SLF1: variants seen among roughly 807,000 people sequenced by gnomAD.
SLF1 encodes the protein SMC5-SMC6 complex localization factor protein 1.
A neutral mutation model predicts 123.0 loss-of-function variants in SLF1; 105 were observed. That is an observed-to-expected ratio of 0.85 (90% CI 0.73 to 1.00). The LOEUF (loss-of-function observed/expected upper bound fraction) is 1.00. Ranked by LOEUF, SLF1 falls within the 50% of genes least tolerant of loss-of-function variation. SLF1 has a pLI of 0.00. For synonymous variants in SLF1, 434 were observed against 406.6 expected (o/e 1.07, Z -0.81); for missense variants, 1,239 against 1,223.0 (o/e 1.01, Z -0.20).
intron 1 of SLF1, among the ~76,000 whole-genome samples, chr5:94,625,279 A>G (rs889288847): frequency 1.1e-4 from 16 of 152,190 alleles, no homozygotes; most frequent in African/African-American, 3.8e-4. Context: ...TTAGATAAAA[A>G]CAAGTATTGA....
intron 20 of SLF1, among the ~76,000 whole-genome samples, chr5:94,692,480 G>T (rs1264916864): frequency 1.3e-5 from 2 of 152,034 alleles, no homozygotes. Flanking sequence ...ATATTATTAA[G>T]CCTATTTAGG....
At chr5:94,636,444 C>T (rs1237295384) in intron 4 of SLF1, among the ~76,000 whole-genome samples, 2 of 152,048 alleles carry the variant, frequency 1.3e-5, no homozygotes, top group Non-Finnish European at 2.9e-5. Context: ...AGGCTTTCTT[C>T]ATCCTTTGGG....
intron 4 of SLF1, among the ~76,000 whole-genome samples, chr5:94,633,039 G>A (rs1399618375): frequency 1.3e-5 from 2 of 151,832 alleles, no homozygotes; most frequent in Admixed American, 1.3e-4. Context: ...TGCCCCGGCT[G>A]GAGTGCAGTG....
chr5:94,649,378 G>C, intron 5 of SLF1, 76 bp from the exon 6 acceptor site: 1 of 1,221,460 alleles, frequency 8.2e-7, no homozygotes, highest in East Asian at 2.7e-5. Context: ...TATAGTTAAA[G>C]TTGAGTACCA....
intron 5 of SLF1, among the ~76,000 whole-genome samples, chr5:94,643,858 C>T (rs1746715834): frequency 6.6e-6 from 1 of 152,012 alleles, no homozygotes; most frequent in Non-Finnish European, 1.5e-5. Flanking sequence ...GCATCAAACC[C>T]TAGAAGAAAC....
intron 18 of SLF1, among the ~76,000 whole-genome samples, chr5:94,690,767 A>G (rs1321306829): frequency 6.6e-6 from 1 of 152,130 alleles, no homozygotes; most frequent in Non-Finnish European, 1.5e-5. Flanking sequence ...ATAATCACTT[A>G]TATCTTATTA....
At chr5:94,676,261 G>T (rs1255415546) in intron 14 of SLF1, among the ~76,000 whole-genome samples, 1 of 152,114 alleles carries the variant, frequency 6.6e-6, no homozygotes, top group East Asian at 1.9e-4. Flanking sequence ...ATAACAGTGA[G>T]AAGTAAGGAT....
At chr5:94,688,994 G>A (rs1752761876) in intron 17 of SLF1, among the ~76,000 whole-genome samples, 1 of 151,190 alleles carries the variant, frequency 6.6e-6, no homozygotes, top group South Asian at 2.1e-4. Context: ...ATGGTCATAT[G>A]AGATATCCTG....
At chr5:94,623,597 G>C (rs1393043282) in intron 1 of SLF1, among the ~76,000 whole-genome samples, 2 of 151,578 alleles carry the variant, frequency 1.3e-5, no homozygotes, top group African/African-American at 4.8e-5. Context: ...ATAACCACTG[G>C]TACAATTATA....
chr5:94,646,573 ATTGT>A (rs1279287624), intron 5 of SLF1, among the ~76,000 whole-genome samples: 1 of 152,202 alleles, frequency 6.6e-6, no homozygotes, highest in Non-Finnish European at 1.5e-5. Flanking sequence ...ACGTATCTCA[ATTGT>A]TTGGCCCAAG....
At chr5:94,651,103 A>G (rs75267320) in intron 6 of SLF1, among the ~76,000 whole-genome samples, 5,520 of 152,240 alleles carry the variant, frequency 0.036, 225 homozygotes, top group East Asian at 0.21. Flanking sequence ...GTTTAGATAC[A>G]CTAATACTCA....
rs1748166891 is a variant in SLF1 at position 94,654,703 on chromosome 5, A to T, written c.1106A>T (p.Asp369Val). 1 of 1,544,416 alleles carries T rather than the reference A, an allele frequency of 6.5e-7. No individual in the cohort carries two copies. Among genetic ancestry groups the T allele is most frequent in the African/African-American group, 1.4e-5 (1 of 72,786 alleles). The change falls in exon 9 of 21, where the codon GAT becomes GTT. Residue 369 changes from aspartate (D) to valine (V), a missense_variant. By Grantham distance (152) the Asp-to-Val change is radical (BLOSUM62 -3). Coordinates refer to ENST00000265140, the MANE Select transcript of SLF1 (RefSeq NM_032290.4). ...SKAMAIKTDV[D>V]VVEIKNTLRK... ...GCCATGGCTATTAAGACAGATGTGG[A>T]TGTTGTTGAAATAAAAAATACCTTA...
At chr5:94,619,265 C>T (rs910150728) in intron 1 of SLF1, among the ~76,000 whole-genome samples, 1 of 151,830 alleles carries the variant, frequency 6.6e-6, no homozygotes, top group African/African-American at 2.4e-5. Flanking sequence ...AAAATTGTGT[C>T]ATTCTTTCCT....
At chr5:94,662,700 A>G (rs1011309360) in intron 10 of SLF1, among the ~76,000 whole-genome samples, 3 of 152,184 alleles carry the variant, frequency 2.0e-5, no homozygotes, top group Non-Finnish European at 2.9e-5. Flanking sequence ...GTATTTTGTT[A>G]TTTAAAGAAA....
chr5:94,624,181 G>A (rs1027296016), intron 1 of SLF1, among the ~76,000 whole-genome samples: 8 of 152,082 alleles, frequency 5.3e-5, no homozygotes, highest in Admixed American at 3.3e-4. Context: ...CATATTTTAT[G>A]GATAATGTTT....
intron 1 of SLF1, among the ~76,000 whole-genome samples, chr5:94,628,238 A>T (rs378692): frequency 6.6e-6 from 1 of 152,174 alleles, no homozygotes; most frequent in Non-Finnish European, 1.5e-5. Context: ...CACTGCGTCC[A>T]GGGTTCAAGC....
intron 9 of SLF1, among the ~76,000 whole-genome samples, chr5:94,658,951 CAAAAGACCTGTCTTCA>C: frequency 3.7e-5 from 2 of 54,452 alleles, no homozygotes; most frequent in African/African-American, 8.0e-5. Context: ...TCCAGGATTT[CAAAAGACCTGTCTTCA>C]TGTTTAGAAA....
chr5:94,677,419 G>A (rs1251712829), intron 14 of SLF1, among the ~76,000 whole-genome samples: 1 of 152,020 alleles, frequency 6.6e-6, no homozygotes, highest in African/African-American at 2.4e-5. Flanking sequence ...AGTAATATTA[G>A]ATCTATTAGT....
intron 14 of SLF1, among the ~76,000 whole-genome samples, chr5:94,674,142 T>C (rs916557211): frequency 6.6e-6 from 1 of 152,158 alleles, no homozygotes; most frequent in South Asian, 2.1e-4. Context: ...TAGAAAATAT[T>C]TCTTCATTAT....
Sources: gnomAD v4.1 joint callset for allele counts (sites outside exome capture counted in the v4.1 genomes callset) on GRCh38, gnomAD v4.1.1 for gene constraint, MANE v1.5 for transcripts, NCBI Gene and HGNC (gene_info 2026-07-23, HGNC 2026-07-21) for gene names.